The following TRIM5 variants were observed in gnomAD, a reference collection of about 807,000 sequenced individuals.
TRIM5 encodes the protein tripartite motif containing 5.
Under a neutral mutation model 35.6 loss-of-function variants are expected in TRIM5, and 31 were observed. The ratio of observed to expected loss-of-function variants is 0.87; its 90% confidence interval spans 0.65 to 1.18. The LOEUF (loss-of-function observed/expected upper bound fraction) is 1.18, where lower values mean the gene tolerates loss of function less well. Among genes scored for constraint, TRIM5 ranks in the 50% most tolerant of loss-of-function variants. The probability of loss-of-function intolerance (pLI) is 0.00; values close to 1 mark genes in which losing one functional copy is unlikely to be tolerated. For missense variants in TRIM5, 609 were observed against 591.6 expected, an observed-to-expected ratio of 1.03 and a Z score of -0.31; for synonymous variants, 243 against 215.6, an observed-to-expected ratio of 1.13 and a Z score of -1.11.
chr11:5,615,570 G>GT, the TRIM5 span, among the ~76,000 whole-genome samples: 17 of 115,346 alleles, frequency 1.5e-4, no homozygotes, highest in Non-Finnish European at 2.7e-4. Context: ...CAGCTTTCTT[G>GT]TTTTTTGTTT....
the TRIM5 span, chr11:5,605,620 C>G: frequency 6.5e-7 from 1 of 1,532,542 alleles, no homozygotes; most frequent in South Asian, 1.3e-5. Context: ...GAGAAACTAA[C>G]TTTCCTTCCT....
In TRIM5 at chr11:5,680,167, C is replaced by G; in HGVS notation, c.11G>C (p.Gly4Ala). The change falls in exon 2 of 8, where the codon GGA becomes GCA. Residue 4 changes from glycine (G) to alanine (A), a missense_variant. Physicochemically the swap from Gly to Ala is moderately conservative, Grantham distance 60. Transcript: ENST00000380034. MAS[G>A]ILVNVKEEVT... ...CTCCTCCTTTACATTAACCAGGATTCCAGAAGCCATAGTAGCTATTCCACT... is the reference window on the plus strand; with the variant it reads ...CTCCTCCTTTACATTAACCAGGATTGCAGAAGCCATAGTAGCTATTCCACT... 1 of 1,606,544 alleles carries G rather than the reference C, an allele frequency of 6.2e-7. No homozygotes were observed. Among genetic ancestry groups the G allele is most frequent in the Non-Finnish European group, 8.5e-7 (1 of 1,175,808 alleles).
the TRIM5 span, chr11:5,645,658 A>G: frequency 0.022 from 3,469 of 158,720 alleles, 60 homozygotes; most frequent in Non-Finnish European, 0.032. Context: ...CAGTTCTACA[A>G]TCAGGAAGAA....
At chr11:5,622,865 G>T in the TRIM5 span, among the ~76,000 whole-genome samples, 4 of 152,156 alleles carry the variant, frequency 2.6e-5, no homozygotes, top group African/African-American at 4.8e-5. Context: ...GCCTCAGGAG[G>T]TCCTGACAAC....
the TRIM5 span, among the ~76,000 whole-genome samples, chr11:5,624,482 T>C: frequency 6.6e-6 from 1 of 152,296 alleles, no homozygotes; most frequent in Admixed American, 6.5e-5. Context: ...TCGTTGGAGC[T>C]GAAGGATAAT....
intron 4 of TRIM5, chr11:5,669,906 C>A: frequency 5.2e-6 from 1 of 192,202 alleles, no homozygotes; most frequent in South Asian, 6.1e-5. Context: ...ACCCAGGAGG[C>A]GGAGGTTGCA....
chr11:5,660,166 G>A (rs866993547), downstream of TRIM5, among the ~76,000 whole-genome samples: 11 of 152,056 alleles, frequency 7.2e-5, no homozygotes, highest in East Asian at 1.5e-3. Flanking sequence ...TAGTAGAGAC[G>A]GGGTTTCACC....
At chr11:5,634,380 A>G in the TRIM5 span, among the ~76,000 whole-genome samples, 2 of 151,894 alleles carry the variant, frequency 1.3e-5, no homozygotes, top group African/African-American at 4.8e-5. Context: ...GTAGGAAAAA[A>G]TAGCTTCCCT....
Position 5,666,090 on chromosome 11 carries a change from TAAAAAAA to T in TRIM5, c.768-16_768-10del. 1 of 1,381,980 alleles carries T rather than the reference TAAAAAAA, an allele frequency of 7.2e-7. No homozygotes were observed. Among genetic ancestry groups the T allele is most frequent in the Non-Finnish European group, 9.7e-7 (1 of 1,026,790 alleles). The allele number at this position is 1,381,980 out of a possible 1,614,324, so 85.6% of individuals were successfully genotyped here. On this transcript the variant is annotated splice_polypyrimidine_tract_variant and intron_variant, in intron 5 of 7. Transcript: ENST00000380034. Reference sequence around the variant, plus strand: ...AGGTCACGTTCTCCGTCCTAAGAATTAAAAAAAAAAAAAAAAACTTCCAAACCTTTGA... The same window carrying T: ...AGGTCACGTTCTCCGTCCTAAGAATTAAAAAAAAAACTTCCAAACCTTTGA...
At chr11:5,671,314 A>AC (rs398115001) in intron 4 of TRIM5, among the ~76,000 whole-genome samples, 3 of 102,284 alleles carry the variant, frequency 2.9e-5, no homozygotes, top group Non-Finnish European at 5.6e-5. Flanking sequence ...TAAAAAAAAA[A>AC]CACAAAAAAA....
the TRIM5 span, among the ~76,000 whole-genome samples, chr11:5,622,547 G>A: frequency 1.3e-5 from 2 of 152,080 alleles, no homozygotes; most frequent in African/African-American, 2.4e-5. Context: ...GAACCTGGGA[G>A]GCGGAGGTTG....
intron 4 of TRIM5, among the ~76,000 whole-genome samples, chr11:5,668,862 T>C (rs1851344382): frequency 6.6e-6 from 1 of 152,164 alleles, no homozygotes; most frequent in African/African-American, 2.4e-5. Flanking sequence ...ATTCCCTACT[T>C]TTACCCAACT....
At chr11:5,594,542 A>G in the TRIM5 span, among the ~76,000 whole-genome samples, 2 of 152,052 alleles carry the variant, frequency 1.3e-5, no homozygotes, top group African/African-American at 2.4e-5. Flanking sequence ...TGTGGATTCA[A>G]GCTATCCTTC....
chr11:5,678,028 T>C (rs1490635416), intron 4 of TRIM5, 176 bp downstream of exon 4: 4 of 553,716 alleles, frequency 7.2e-6, no homozygotes, highest in Admixed American at 3.4e-5. Flanking sequence ...TTAATAAAAA[T>C]GGGATTATCT....
chr11:5,645,904 TAG>T, the TRIM5 span: 79 of 143,028 alleles, frequency 5.5e-4, no homozygotes, highest in Middle Eastern at 5.7e-3. Context: ...TATCTATATA[TAG>T]ATATATATAG....
the TRIM5 span, among the ~76,000 whole-genome samples, chr11:5,621,030 C>T: frequency 6.6e-6 from 1 of 152,142 alleles, no homozygotes; most frequent in African/African-American, 2.4e-5. Context: ...GGAAGCGATT[C>T]CAAGTTAGAT....
Position 5,664,592 on chromosome 11 carries a change from A to T in TRIM5, c.*217T>A. ...GGTCAGTTTTCCTTAGGAGTACGGA[A>T]AATGATGAAAAAAATTGCTATCAAA... On this transcript the variant is annotated 3_prime_UTR_variant, in exon 8 of 8. Coordinates refer to ENST00000380034, the MANE Select transcript of TRIM5 (RefSeq NM_033034.3). 2 of 1,293,114 alleles carry T rather than the reference A, an allele frequency of 1.5e-6. No homozygotes were observed. Among genetic ancestry groups the T allele is most frequent in the Non-Finnish European group, 2.0e-6 (2 of 1,023,222 alleles). The allele number at this position is 1,293,114 out of a possible 1,614,324, so 80.1% of individuals were successfully genotyped here.
the TRIM5 span, chr11:5,610,546 G>T: frequency 2.0e-4 from 328 of 1,613,842 alleles, no homozygotes; most frequent in Middle Eastern, 1.2e-3. Context: ...GCTGACAGAT[G>T]TCCAAAGCTA....
the TRIM5 span, among the ~76,000 whole-genome samples, chr11:5,637,738 CCCATT>C: frequency 2.0e-5 from 3 of 152,142 alleles, no homozygotes; most frequent in Non-Finnish European, 4.4e-5. Flanking sequence ...AAAACAGCTC[CCCATT>C]CCCTTTGGTC....
Sources: allele counts gnomAD v4.1 joint callset (sites outside exome capture counted in the v4.1 genomes callset), GRCh38; gene constraint gnomAD v4.1.1; transcripts MANE v1.5; gene names NCBI Gene and HGNC (gene_info 2026-07-23, HGNC 2026-07-21).